Variants in RMC1 observed in about 807,000 individuals in gnomAD.
RMC1 encodes regulator of MON1-CCZ1.
RMC1 carries 44 observed loss-of-function variants against 95.5 expected under a neutral mutation model. The observed-to-expected ratio is 0.46, with a 90% CI of 0.36 to 0.59. The LOEUF is 0.59. RMC1 is among the 20% of genes least tolerant of loss of function. The pLI is 0.00. For synonymous variants in RMC1, 320 were observed against 303.6 expected, an observed-to-expected ratio of 1.05 and a Z score of -0.56; for missense variants, 705 against 819.6, an observed-to-expected ratio of 0.86 and a Z score of 1.71.
Position 23,503,689 on chromosome 18 carries a change from A to C in RMC1, c.71A>C (p.Asn24Thr). 2 of 1,593,420 alleles carry C rather than the reference A, an allele frequency of 1.3e-6. No individual in the cohort carries two copies. Among genetic ancestry groups the C allele is most frequent in the East Asian group, 2.4e-5 (1 of 42,342 alleles). ...CAGTTCGAGAAGGCGAACCCTGTCA[A>C]CTGCGTCTTCTTCGATGAGGCCAAC... ...PVQFEKANPV[N>T]CVFFDEANKQ... The change falls in exon 1 of 20, where the codon AAC becomes ACC. Residue 24 changes from asparagine (N) to threonine (T), a missense_variant. Asn to Thr is a moderately conservative substitution (Grantham distance 65). Coordinates refer to ENST00000269221, the MANE Select transcript of RMC1 (RefSeq NM_013326.5).
Position 23,509,200 on chromosome 18 carries a change from A to G in RMC1, c.329A>G (p.Asn110Ser), listed in dbSNP as rs201825808. 1 of 1,393,624 alleles carries G rather than the reference A, an allele frequency of 7.2e-7. No individual in the cohort carries two copies. The highest frequency in any genetic ancestry group is 9.4e-7 in the Non-Finnish European group (1 of 1,064,954). The allele number at this position is 1,393,624 out of a possible 1,614,324, so 86.3% of individuals were successfully genotyped here. The change falls in exon 5 of 20, where the codon AAT (asparagine) becomes AGT (serine). Residue 110 changes from asparagine (N) to serine (S), a missense_variant. Transcript: ENST00000269221. ...LEYTQECKTK[N>S]ANILGFCWTS... ...TTAAAAAATTTTTCTTAGACTAAGA[A>G]TGCCAACATTCTAGGATTCTGCTGG...
intron 2 of RMC1, among the ~76,000 whole-genome samples, chr18:23,504,917 C>T (rs2057675823): frequency 6.6e-6 from 1 of 152,186 alleles, no homozygotes; most frequent in African/African-American, 2.4e-5. Context: ...AACAGCAGGG[C>T]CTTTCACTTT....
chr18:23,517,023 G>A (rs1293441980), intron 7 of RMC1, among the ~76,000 whole-genome samples: 1 of 151,952 alleles, frequency 6.6e-6, no homozygotes, highest in Non-Finnish European at 1.5e-5. Context: ...ACTGTGCCTG[G>A]CCAAGTTTAT....
chr18:23,530,407 T>G lies in RMC1; in HGVS notation c.1689T>G (p.Asp563Glu), dbSNP rs1283551451. 1.9e-6 allele frequency: 3 copies of G among 1,614,122 alleles called. No homozygotes were observed. The highest frequency in any genetic ancestry group is 2.2e-5 in the South Asian group (2 of 91,094). The part of the protein sequence containing the change: ...DMLKRLSTAN[D>E]EIVEVLLSKH... ...GCTAGCGACTTTCAACAGCAAATGA[T>G]GAAATAGTAGAAGTTCTCCTTTCCA... The change falls in exon 19 of 20, where the codon GAT becomes GAG. Residue 563 changes from aspartate (D) to glutamate (E), a missense_variant. Transcript: ENST00000269221.
At chr18:23,508,185 C>T (rs943940165) in intron 4 of RMC1, 144 bp downstream of exon 4, 50 of 664,142 alleles carry the variant, frequency 7.5e-5, no homozygotes, top group South Asian at 5.3e-4. Flanking sequence ...TGGAGTCAGG[C>T]GGGGTGTTTG....
At chr18:23,504,817 T>C in intron 2 of RMC1, 1 of 186,762 alleles carries the variant, frequency 5.4e-6, no homozygotes, top group Non-Finnish European at 1.1e-5. Context: ...TCATTGTTTC[T>C]CATGTAATAA....
chr18:23,522,778 A>G (rs1374409718), intron 10 of RMC1: 1 of 152,366 alleles, frequency 6.6e-6, no homozygotes, highest in African/African-American at 2.4e-5. Flanking sequence ...GTGGGCTGCA[A>G]AGCATTTTCA....
At chr18:23,516,148 TC>T in intron 6 of RMC1, 152 bp downstream of exon 6, 1 of 1,351,318 alleles carries the variant, frequency 7.4e-7, no homozygotes. Flanking sequence ...ACCCGTCAGC[TC>T]CTGGAGCCAT....
chr18:23,530,142 G>A lies in RMC1; in HGVS notation c.1599+10G>A, dbSNP rs760514664. On this transcript the variant is annotated intron_variant, in intron 17 of 19. Transcript: ENST00000269221. Reference sequence around the variant, plus strand: ...CGACTCCAAACCTTTGGTATGCATTGCCAGATTTTTACTTCCATTGTGGTT... The same window carrying A: ...CGACTCCAAACCTTTGGTATGCATTACCAGATTTTTACTTCCATTGTGGTT... 5 of 1,613,634 alleles carry A rather than the reference G, an allele frequency of 3.1e-6. No homozygotes were observed. Among genetic ancestry groups the A allele is most frequent in the Non-Finnish European group, 4.2e-6 (5 of 1,179,692 alleles).
Position 23,518,923 on chromosome 18 carries a change from T to C in RMC1, c.687T>C (p.His229=). 1 of 1,614,190 alleles carries C rather than the reference T, an allele frequency of 6.2e-7. No homozygotes were observed. The highest frequency in any genetic ancestry group is 8.5e-7 in the Non-Finnish European group (1 of 1,180,016). ...AGCTGTATGTTCTCTTCTTGAGGCA[T>C]CATTCTCGGACCTCCAACAGCACAG... The part of the protein sequence containing the change: ...YGQLYVLFLR[H]HSRTSNSTGA... Residue 229 remains histidine, a synonymous_variant, in exon 8 of 20, where the codon CAT becomes CAC. Transcript: ENST00000269221.
chr18:23,509,380 A>AT, intron 5 of RMC1, 101 bp downstream of exon 5: 1 of 368,824 alleles, frequency 2.7e-6, no homozygotes. Flanking sequence ...TATTTTAAAC[A>AT]TTTTCTAGAG....
chr18:23,524,306 T>TGTCCAGGGGCCTC, intron 11 of RMC1, 123 bp from the exon 12 acceptor site: 2 of 1,481,678 alleles, frequency 1.3e-6, no homozygotes, highest in South Asian at 2.3e-5. Flanking sequence ...CTTCCCTGAC[T>TGTCCAGGGGCCTC]GTCCAGGGGC....
Position 23,529,613 on chromosome 18 carries a change from GAC to G in RMC1, c.1417-21_1417-20del. ...TTTTGCACCTCGTTGGTATTTGTAA[GAC>G]CACATTTTTTTCTCCCTAGGAGATG... On this transcript the variant is annotated intron_variant, in intron 15 of 19. Transcript: ENST00000269221. 1 of 1,604,514 alleles carries G rather than the reference GAC, an allele frequency of 6.2e-7. No homozygotes were observed. The highest frequency in any genetic ancestry group is 8.5e-7 in the Non-Finnish European group (1 of 1,171,368).
rs750164433 is a variant in RMC1, at chr18:23,527,874, C to T, written c.1269C>T (p.Tyr423=). 2 of 1,613,944 alleles carry T rather than the reference C, an allele frequency of 1.2e-6. No homozygotes were observed. The highest frequency in any genetic ancestry group is 1.1e-5 in the South Asian group (1 of 91,062). Residue 423 remains tyrosine (Y), a synonymous_variant, in exon 14 of 20, where the codon TAC becomes TAT. Transcript: ENST00000269221. ...FDKLNHEYKK[Y]LDAEQSYAMA... ...AACTCAACCATGAGTATAAAAAGTA[C>T]CTGGATGCCGAGCAGAGTTATGCGA...
chr18:23,518,145 A>G (rs920159519), intron 7 of RMC1, among the ~76,000 whole-genome samples: 1 of 152,276 alleles, frequency 6.6e-6, no homozygotes, highest in Admixed American at 6.5e-5. Context: ...TTACCACTGG[A>G]CTAGAATATG....
At chr18:23,529,551 C>A in intron 15 of RMC1, 84 bp from the exon 16 acceptor site, 1 of 1,343,874 alleles carries the variant, frequency 7.4e-7, no homozygotes. Flanking sequence ...AAGATGGAAA[C>A]AAGGTGGGGG....
Position 23,506,999 on chromosome 18 carries a change from T to A in RMC1, c.209T>A (p.Ile70Asn), listed in dbSNP as rs1355966131. ...GATGACAAAGGAGAAGTGAAGTGCA[T>A]TAAGTTTTCCTTAGAAAATAAGATA... The part of the protein sequence containing the change: ...RMDDKGEVKC[I>N]KFSLENKILA... Residue 70 changes from isoleucine to asparagine, a missense_variant, in exon 3 of 20, where the codon ATT (isoleucine) becomes AAT (asparagine). By Grantham distance (149) the Ile-to-Asn change is moderately radical. Transcript: ENST00000269221. 6.2e-7 allele frequency: 1 copy of A among 1,609,850 alleles called. No homozygotes were observed. Among genetic ancestry groups the A allele is most frequent in the Non-Finnish European group, 8.5e-7 (1 of 1,178,056 alleles).
At position 23,527,809 on chromosome 18, in the gene RMC1, G is replaced by C. The variant is rs1168104356; in HGVS notation, c.1204G>C (p.Asp402His). 1.9e-6 allele frequency: 3 copies of C among 1,613,972 alleles called. No individual in the cohort carries two copies. The African/African-American group carries it at 4.0e-5, about 22-fold the overall frequency. The change falls in exon 14 of 20, where the codon GAC becomes CAC. Residue 402 changes from aspartate to histidine, a missense_variant. Transcript: ENST00000269221. ...TGCCTTTCCAGTGTTAAGTGAGTCA[G>C]ACAGAGCATCGCTGCCCGTGATAGC... ...SVCSQMLSES[D>H]RASLPVIATV...
chr18:23,530,633 C>T, intron 19 of RMC1, 21 bp downstream of exon 19: 1 of 1,606,336 alleles, frequency 6.2e-7, no homozygotes, highest in South Asian at 1.1e-5. Flanking sequence ...AATGAAAAGA[C>T]TTGGGGTAAC....
Sources: gnomAD v4.1 joint callset for allele counts (sites outside exome capture counted in the v4.1 genomes callset) on GRCh38, gnomAD v4.1.1 for gene constraint, MANE v1.5 for transcripts, NCBI Gene and HGNC (gene_info 2026-07-23, HGNC 2026-07-21) for gene names.